The following PAX6 variants were observed in gnomAD, a reference collection of about 807,000 sequenced individuals.
PAX6 encodes paired box protein Pax-6.
Under a neutral mutation model 60.7 loss-of-function variants are expected in PAX6, and 7 were observed. The ratio of observed to expected loss-of-function variants is 0.12; its 90% CI spans 0.07 to 0.22. The LOEUF is 0.22. PAX6 is among the 10% of genes least tolerant of loss of function. The pLI, the probability that PAX6 is intolerant of heterozygous loss-of-function variation, is 1.00. For missense variants in PAX6, 355 were observed against 555.2 expected, an observed-to-expected ratio of 0.64 and a Z score of 3.62; for synonymous variants, 208 against 201.2, an observed-to-expected ratio of 1.03 and a Z score of -0.29.
intron 1 of PAX6, chr11:31,816,671 C>A (rs751635981): frequency 1.0e-5 from 7 of 696,370 alleles, no homozygotes; most frequent in South Asian, 4.5e-5. Context: ...CCACTGCGCT[C>A]GTCCCCCGTT....
intron 8 of PAX6, among the ~76,000 whole-genome samples, chr11:31,798,263 C>T (rs1952312567): frequency 6.6e-6 from 1 of 152,050 alleles, no homozygotes; most frequent in Admixed American, 6.6e-5. Context: ...CTAAAACCAC[C>T]AAATCGCCGG....
At chr11:31,797,412 C>T (rs764950258) in intron 8 of PAX6, among the ~76,000 whole-genome samples, 2 of 151,012 alleles carry the variant, frequency 1.3e-5, no homozygotes, top group Non-Finnish European at 2.9e-5. Flanking sequence ...TTTACACAGG[C>T]AGCACGCGAT....
chr11:31,802,573 G>T, intron 5 of PAX6, 131 bp downstream of exon 5: 1 of 893,468 alleles, frequency 1.1e-6, no homozygotes, highest in South Asian at 1.7e-5. Flanking sequence ...AGTGGGTGGG[G>T]GGACTGGGGA....
At position 31,789,865 on chromosome 11, in the gene PAX6, GTTGTGTCCCCATAGTCACTGA is replaced by G. The variant is rs1359050064; in HGVS notation, c.*48_*68del. 1.2e-5 allele frequency: 16 copies of G among 1,365,820 alleles called. No homozygotes were observed. The Admixed American group carries it at 3.1e-4, about 26-fold the overall frequency. 84.6% of individuals were successfully genotyped at this position (1,365,820 alleles called of 1,614,324 possible). A position where few individuals can be genotyped will look rare whatever the true frequency, so the allele number is the denominator to read the frequency against. ...TTCTTTCTTTCCTGAAAGCTCAACT[GTTGTGTCCCCATAGTCACTGA>G]CTGAATTAACACAATATTTCCTTTC... On this transcript the variant is annotated 3_prime_UTR_variant, in exon 14 of 14. Coordinates refer to ENST00000640368, the MANE Select transcript of PAX6 (RefSeq NM_001368894.2).
upstream of PAX6, chr11:31,813,167 G>T (rs1170781097): frequency 6.6e-6 from 1 of 152,168 alleles, no homozygotes; most frequent in Non-Finnish European, 1.5e-5. Flanking sequence ...AGGTGAAGGA[G>T]GTGGCGCCGG....
chr11:31,809,683 G>A (rs1565273455), intron 2 of PAX6: 1 of 152,142 alleles, frequency 6.6e-6, no homozygotes, highest in Admixed American at 6.5e-5. Context: ...AGAATCGAAA[G>A]CTCTCAAATT....
intron 8 of PAX6, among the ~76,000 whole-genome samples, chr11:31,799,868 G>A (rs976413551): frequency 6.6e-6 from 1 of 152,106 alleles, no homozygotes; most frequent in Admixed American, 6.5e-5. Context: ...ATTAATCTTC[G>A]GAGTAAACTG....
At chr11:31,815,405 C>G (rs1957332109), upstream of PAX6, among the ~76,000 whole-genome samples, 1 of 152,270 alleles carries the variant, frequency 6.6e-6, no homozygotes, top group Admixed American at 6.5e-5. Flanking sequence ...CCTGGATATC[C>G]CCTCTCTAAA....
intron 3 of PAX6, 149 bp downstream of exon 3, chr11:31,806,700 C>T (rs1955892244): frequency 1.0e-5 from 5 of 494,442 alleles, no homozygotes; most frequent in Middle Eastern, 5.2e-4. Context: ...CCCCTACATT[C>T]TTTAGCAGTT....
chr11:31,805,528 A>C (rs1375794322), intron 4 of PAX6: 1 of 152,564 alleles, frequency 6.6e-6, no homozygotes, highest in Non-Finnish European at 1.5e-5. Context: ...AGTTCAGTTG[A>C]GCCCCGACGC....
chr11:31,802,844 G>C lies in PAX6; in HGVS notation c.11-10C>G, dbSNP rs762637284. The stretch of plus-strand genomic sequence containing the variant: ...TTCACTCCGCTGTGACCTGAGGAAA[G>C]GGAGAGGAGAGGAAAGGGGAAAAGA... On this transcript the variant is annotated splice_polypyrimidine_tract_variant and intron_variant, in intron 4 of 13. Coordinates refer to ENST00000640368, the MANE Select transcript of PAX6 (RefSeq NM_001368894.2). 13 of 1,613,582 alleles carry C rather than the reference G, an allele frequency of 8.1e-6. No individual in the cohort carries two copies. The Admixed American group carries it at 8.3e-5, about 10-fold the overall frequency.
At chr11:31,816,639 G>A (rs1346765563) in intron 1 of PAX6, 1 of 702,254 alleles carries the variant, frequency 1.4e-6, no homozygotes, top group Non-Finnish European at 2.6e-6. Context: ...TCCCGGCCCA[G>A]GTAAGGCGTG....
intron 5 of PAX6, chr11:31,802,182 AC>A (rs1344103104): frequency 2.1e-6 from 1 of 469,104 alleles, no homozygotes; most frequent in Non-Finnish European, 3.8e-6. Flanking sequence ...TAAAAAATAA[AC>A]TGATTTTTTT....
chr11:31,799,678 A>G (rs1007190320), intron 8 of PAX6, among the ~76,000 whole-genome samples: 1 of 152,180 alleles, frequency 6.6e-6, no homozygotes, highest in Non-Finnish European at 1.5e-5. Flanking sequence ...GCCCGACTCC[A>G]TGGAGGCGCC....
chr11:31,789,708 A>G lies in PAX6; in HGVS notation c.*226T>C, dbSNP rs753595935. The stretch of plus-strand genomic sequence containing the variant: ...CACCAAAATGAATAAAAGTTTGGAT[A>G]CCAAAATGAAGATTTGTTCCAACTG... On this transcript the variant is annotated 3_prime_UTR_variant, in exon 14 of 14. Transcript: ENST00000640368. 5.7e-6 allele frequency: 4 copies of G among 703,404 alleles called. No individual in the cohort carries two copies. Among genetic ancestry groups the G allele is most frequent in the Non-Finnish European group, 1.0e-5 (4 of 385,094 alleles). 43.6% of individuals were successfully genotyped at this position (703,404 alleles called of 1,614,324 possible).
chr11:31,795,676 G>A (rs375277519), intron 8 of PAX6, among the ~76,000 whole-genome samples: 1 of 152,260 alleles, frequency 6.6e-6, no homozygotes, highest in African/African-American at 2.4e-5. Flanking sequence ...CACTTTGAAT[G>A]TAACTTCTAT....
rs1416018032 is a variant in PAX6, at chr11:31,811,211, A to G, written c.-413T>C. On this transcript the variant is annotated 5_prime_UTR_variant, in exon 1 of 14. Transcript: ENST00000640368. ...CTCACTGGCCCATTAGCGAAGCCTG[A>G]CCTCTGTCATCATCCTCCAGCAAAA... 4 of 399,056 alleles carry G rather than the reference A, an allele frequency of 1.0e-5. No homozygotes were observed. Among genetic ancestry groups the G allele is most frequent in the Non-Finnish European group, 1.8e-5 (4 of 226,208 alleles). The allele number at this position is 399,056 out of a possible 1,614,324, so 24.7% of individuals were successfully genotyped here. A position where few individuals can be genotyped will look rare whatever the true frequency, so the allele number is the denominator to read the frequency against.
chr11:31,811,466 G>C, upstream of PAX6: 1 of 359,052 alleles, frequency 2.8e-6, no homozygotes, highest in Non-Finnish European at 5.0e-6. Flanking sequence ...TTTCGGCTCC[G>C]CCGGTGGGTC....
Position 31,800,067 on chromosome 11 carries a change from C to T in PAX6, c.565+624G>A, listed in dbSNP as rs1953120077. ...CGGCTCCCGGCATCCCGCCGTCCTG[C>T]TCACAGTATCTTCACCTCACCACTT... On this transcript the variant is annotated intron_variant, in intron 8 of 13. Coordinates refer to ENST00000640368, the MANE Select transcript of PAX6 (RefSeq NM_001368894.2). 4.6e-5 allele frequency among the ~76,000 whole-genome samples: 7 copies of T among 151,940 alleles called. No homozygotes were observed. In the South Asian group the frequency reaches 1.5e-3, roughly 32 times the overall value.
Sources: gnomAD v4.1 joint callset for allele counts (sites outside exome capture counted in the v4.1 genomes callset) on GRCh38, gnomAD v4.1.1 for gene constraint, MANE v1.5 for transcripts, NCBI Gene and HGNC (gene_info 2026-07-23, HGNC 2026-07-21) for gene names.